Variants in METTL16 observed in about 807,000 individuals in gnomAD.
METTL16 encodes the protein methyltransferase 16, RNA N6-adenosine.
Under a neutral mutation model 57.9 loss-of-function variants are expected in METTL16, and 19 were observed. The observed-to-expected ratio is 0.33, with a 90% CI of 0.23 to 0.48. The LOEUF is 0.48. Among genes scored for constraint, METTL16 ranks in the 20% least tolerant of loss-of-function variants. METTL16 has a pLI of 0.99. For synonymous variants in METTL16, 246 were observed against 255.6 expected (o/e 0.96, Z 0.36); for missense variants, 434 against 691.5 (o/e 0.63, Z 4.18).
chr17:2,505,334 T>C (rs2067522593), intron 1 of METTL16, among the ~76,000 whole-genome samples: 2 of 150,978 alleles, frequency 1.3e-5, no homozygotes. Flanking sequence ...AGGTTTTACC[T>C]GCTAAATACC....
intron 3 of METTL16, chr17:2,475,123 G>C (rs1180519186): frequency 6.6e-6 from 1 of 152,172 alleles, no homozygotes; most frequent in Non-Finnish European, 1.5e-5. Context: ...TCTTAACCCA[G>C]AGGAAATCCA....
intron 2 of METTL16, among the ~76,000 whole-genome samples, chr17:2,500,267 T>A (rs1364612561): frequency 6.6e-6 from 1 of 150,936 alleles, no homozygotes; most frequent in Non-Finnish European, 1.5e-5. Flanking sequence ...GATCCTAATC[T>A]TCTTTTTTTC....
intron 6 of METTL16, among the ~76,000 whole-genome samples, chr17:2,449,683 A>G (rs185463402): frequency 6.6e-5 from 10 of 152,344 alleles, no homozygotes; most frequent in Admixed American, 6.5e-4. Context: ...TTACACGGTC[A>G]GCTGATTTTA....
At chr17:2,505,381 T>C (rs17221733) in intron 1 of METTL16, among the ~76,000 whole-genome samples, 16,343 of 138,618 alleles carry the variant, frequency 0.12, 1,519 homozygotes, top group East Asian at 0.35. Flanking sequence ...CCCAACAATG[T>C]CAAGCCCAGA....
chr17:2,488,570 A>T (rs1382534483), intron 2 of METTL16, among the ~76,000 whole-genome samples: 1 of 152,134 alleles, frequency 6.6e-6, no homozygotes, highest in Non-Finnish European at 1.5e-5. Context: ...CACCCACCAA[A>T]AAAACAAATT....
chr17:2,507,772 T>C (rs1474227602), intron 1 of METTL16, among the ~76,000 whole-genome samples: 2 of 152,228 alleles, frequency 1.3e-5, no homozygotes, highest in Admixed American at 1.3e-4. Context: ...TTTCATTTTG[T>C]TCTGTACTAA....
At chr17:2,441,194 T>A (rs1007615813) in intron 7 of METTL16, among the ~76,000 whole-genome samples, 20 of 152,062 alleles carry the variant, frequency 1.3e-4, no homozygotes, top group Non-Finnish European at 2.9e-4. Context: ...GTGAAACAAC[T>A]GAGACAAATA....
In METTL16 at chr17:2,464,309, A is replaced by G. The variant is rs2067174152; in HGVS notation, c.627T>C (p.Ser209=). 2 of 1,612,048 alleles carry G rather than the reference A, an allele frequency of 1.2e-6. No homozygotes were observed. Among genetic ancestry groups the G allele is most frequent in the African/African-American group, 2.7e-5 (2 of 74,840 alleles). ...TCTCTGTGATGCCTCCTGTATTAAC[A>G]GAACTAGGCGGAGGTCTTCGAGGAT... ...SRNPRRPPPS[S]VNTGGITEIM... Residue 209 remains serine (S), a synonymous_variant, in exon 6 of 10, where the codon TCT becomes TCC. Coordinates refer to ENST00000263092, the MANE Select transcript of METTL16 (RefSeq NM_024086.4).
intron 6 of METTL16, among the ~76,000 whole-genome samples, chr17:2,455,975 C>T (rs1305273790): frequency 1.3e-5 from 2 of 151,314 alleles, no homozygotes; most frequent in African/African-American, 4.9e-5. Flanking sequence ...AGAGCAAGAC[C>T]CTGTCTCGAA....
At chr17:2,427,519 T>C (rs1042214754) in intron 8 of METTL16, among the ~76,000 whole-genome samples, 6 of 152,216 alleles carry the variant, frequency 3.9e-5, no homozygotes, top group African/African-American at 1.2e-4. Flanking sequence ...ACTTTGTTGA[T>C]GGTAATGTTA....
intron 4 of METTL16, 117 bp downstream of exon 4, chr17:2,473,407 C>A: frequency 8.6e-7 from 1 of 1,166,412 alleles, no homozygotes; most frequent in Non-Finnish European, 1.2e-6. Context: ...TTACAAAGTG[C>A]CAGATTTTTT....
chr17:2,458,165 C>T (rs1019651451), intron 6 of METTL16, among the ~76,000 whole-genome samples: 7 of 152,128 alleles, frequency 4.6e-5, no homozygotes, highest in Non-Finnish European at 1.0e-4. Context: ...TAGGTATGGG[C>T]CACTGTGCCT....
intron 8 of METTL16, among the ~76,000 whole-genome samples, chr17:2,427,814 A>G (rs571997566): frequency 6.6e-6 from 1 of 152,142 alleles, no homozygotes; most frequent in South Asian, 2.1e-4. Context: ...GAAGCTGAAT[A>G]AAGTATCAGC....
At chr17:2,458,616 G>A (rs918246887) in intron 6 of METTL16, among the ~76,000 whole-genome samples, 8 of 152,118 alleles carry the variant, frequency 5.3e-5, no homozygotes, top group African/African-American at 1.2e-4. Context: ...GGAGGCTGAC[G>A]TGGGAGAATC....
At chr17:2,498,602 G>A (rs2067463894) in intron 2 of METTL16, among the ~76,000 whole-genome samples, 1 of 151,148 alleles carries the variant, frequency 6.6e-6, no homozygotes, top group Admixed American at 6.6e-5. Flanking sequence ...AGATGGCCGT[G>A]GTGGTGCGAG....
intron 1 of METTL16, among the ~76,000 whole-genome samples, chr17:2,509,439 A>C (rs868241016): frequency 6.6e-6 from 1 of 152,048 alleles, no homozygotes; most frequent in Non-Finnish European, 1.5e-5. Flanking sequence ...GAAAACATCA[A>C]CTGGGCAAGG....
intron 8 of METTL16, chr17:2,424,349 G>A (rs1195396896): frequency 9.9e-5 from 15 of 151,352 alleles, no homozygotes; most frequent in African/African-American, 3.1e-4. Context: ...TCCTGACCTC[G>A]TGATCCGCCC....
rs535522688 is a variant in METTL16, at chr17:2,426,384, C to T, written c.889-5480G>A. 7.6e-4 allele frequency among the ~76,000 whole-genome samples: 115 copies of T among 152,142 alleles called. 1 individual carries two copies. In the South Asian group the frequency reaches 8.5e-3, roughly 11 times the overall value. ...TTTCTTTCATCTTAATCTGACAGGT[C>T]GTTGTTTAAAATGTCCTGAAATCAC... On this transcript the variant is annotated intron_variant, in intron 8 of 9. Transcript: ENST00000263092.
At position 2,430,002 on chromosome 17, in the gene METTL16, G is replaced by A. The variant is rs543575581; in HGVS notation, c.888+8107C>T. On this transcript the variant is annotated intron_variant, in intron 8 of 9. Transcript: ENST00000263092. ...ATTTTTTTCTATTTTTAGTGGAGAC[G>A]GGGGTTTCACCATGTTGGCCAGGCT... Among the ~76,000 whole-genome samples the A allele has an allele frequency of 2.7e-4, 36 of 131,504 alleles. 1 individual carries two copies. In the South Asian group the frequency reaches 4.6e-3, roughly 17 times the overall value. The allele number at this position is 131,504 out of a possible 152,430, so 86.3% of individuals were successfully genotyped here. A position where few individuals can be genotyped will look rare whatever the true frequency, so the allele number is the denominator to read the frequency against.
Sources: gnomAD v4.1 joint callset for allele counts (sites outside exome capture counted in the v4.1 genomes callset) on GRCh38, gnomAD v4.1.1 for gene constraint, MANE v1.5 for transcripts, NCBI Gene and HGNC (gene_info 2026-07-23, HGNC 2026-07-21) for gene names.